The following RAI2 variants were observed in gnomAD, a reference collection of about 807,000 sequenced individuals.
RAI2 encodes retinoic acid-induced protein 2.
A neutral mutation model predicts 15.3 loss-of-function variants in RAI2; 5 were observed. That is an observed-to-expected ratio of 0.33 (90% CI 0.17 to 0.69). The LOEUF (loss-of-function observed/expected upper bound fraction) is 0.69. RAI2 is among the 30% of genes least tolerant of loss of function. RAI2 has a pLI of 0.69. For synonymous variants in RAI2, 191 were observed against 184.0 expected, an observed-to-expected ratio of 1.04 and a Z score of -0.31; for missense variants, 424 against 424.7, an observed-to-expected ratio of 1.00 and a Z score of 0.01.
intron 1 of RAI2, among the ~76,000 whole-genome samples, chrX:17,852,941 T>C (rs1421369700): frequency 9.1e-6 from 1 of 109,735 alleles, no homozygotes; most frequent in East Asian, 2.8e-4. Context: ...GCTGCTACAA[T>C]CTGAAATGAG....
At chrX:17,830,772 C>T (rs1601921397) in intron 1 of RAI2, among the ~76,000 whole-genome samples, 1 of 111,188 alleles carries the variant, frequency 9.0e-6, no homozygotes, top group African/African-American at 3.3e-5. Flanking sequence ...CAACCTGTCA[C>T]AAGCTAGGCT....
intron 1 of RAI2, among the ~76,000 whole-genome samples, chrX:17,833,037 GA>G (rs1421599561): frequency 9.0e-6 from 1 of 111,501 alleles, no homozygotes; most frequent in Admixed American, 9.5e-5. Flanking sequence ...GAAGGCAAGG[GA>G]AAAGCCAAAA....
rs780209696 is a variant in RAI2 at position 17,819,353 on chromosome X, T to C, written c.-24-17319A>G. Among the ~76,000 whole-genome samples the C allele has an allele frequency of 2.0e-4, 23 of 112,568 alleles. No homozygotes were observed. The South Asian group carries it at 7.7e-3, about 38-fold the overall frequency. ...TTAAAAGACTAGAAACACCAAAAGTTGGTGAGGCTATGGTGCAAGTGAAAC... is the reference window on the plus strand; with the variant it reads ...TTAAAAGACTAGAAACACCAAAAGTCGGTGAGGCTATGGTGCAAGTGAAAC... On this transcript the variant is annotated intron_variant, in intron 1 of 1. Transcript: ENST00000451717.
intron 1 of RAI2, among the ~76,000 whole-genome samples, chrX:17,828,260 G>A (rs377338293): frequency 1.0e-4 from 11 of 110,065 alleles, no homozygotes; most frequent in African/African-American, 3.0e-4. Flanking sequence ...GTGAATCACC[G>A]AGAAATGCCA....
chrX:17,810,937 T>TC (rs1414302550), intron 1 of RAI2, among the ~76,000 whole-genome samples: 1 of 112,444 alleles, frequency 8.9e-6, no homozygotes, highest in Non-Finnish European at 1.9e-5. Flanking sequence ...GGTTGCCATC[T>TC]CTCTTGGCTC....
intron 1 of RAI2, among the ~76,000 whole-genome samples, chrX:17,831,669 C>T (rs756487440): frequency 4.5e-4 from 51 of 112,580 alleles, no homozygotes; most frequent in African/African-American, 1.5e-3. Context: ...CTGTTCACTA[C>T]ACACTGAATG....
chrX:17,831,531 T>C (rs2067282136), intron 1 of RAI2, among the ~76,000 whole-genome samples: 1 of 111,846 alleles, frequency 8.9e-6, no homozygotes, highest in Non-Finnish European at 1.9e-5. Flanking sequence ...ACATACTGAA[T>C]TATTAACCCC....
intron 1 of RAI2, among the ~76,000 whole-genome samples, chrX:17,806,203 C>T (rs940159163): frequency 9.0e-6 from 1 of 110,983 alleles, no homozygotes; most frequent in African/African-American, 3.3e-5. Context: ...GGTGGAGGCC[C>T]ATCTCCCCAC....
chrX:17,844,358 T>C (rs1341713827), intron 1 of RAI2, among the ~76,000 whole-genome samples: 1 of 112,729 alleles, frequency 8.9e-6, no homozygotes, highest in Admixed American at 9.3e-5. Flanking sequence ...AGCCATTATA[T>C]TGTCCTATTC....
chrX:17,824,622 G>A (rs996347711), intron 1 of RAI2, among the ~76,000 whole-genome samples: 1 of 111,806 alleles, frequency 8.9e-6, no homozygotes, highest in African/African-American at 3.3e-5. Flanking sequence ...CCCCTAGGAT[G>A]AGTTAACTGC....
chrX:17,848,084 C>T (rs1187196555), intron 1 of RAI2, among the ~76,000 whole-genome samples: 1 of 111,672 alleles, frequency 9.0e-6, no homozygotes, highest in Non-Finnish European at 1.9e-5. Flanking sequence ...AACAGACAAA[C>T]TGAGGGAAAC....
At chrX:17,860,909 G>C (rs1480580760) in intron 1 of RAI2, among the ~76,000 whole-genome samples, 189 bp downstream of exon 1, 1 of 104,760 alleles carries the variant, frequency 9.5e-6, no homozygotes, top group African/African-American at 3.4e-5. Flanking sequence ...CCGCGTCCCC[G>C]CCCCCGCCCG....
In RAI2 at chrX:17,801,296, G is replaced by A; in HGVS notation, c.715C>T (p.Pro239Ser). ...GGAATAGGGACTGGCACAGGCAAGG[G>A]GACGATTACAGGATACGGCACCAAG... is the stretch of plus-strand genomic sequence containing the variant. The part of the protein sequence containing the change: ...TLLVPYPVIV[P>S]LPVPVPIPIP... Residue 239 changes from proline (P) to serine (S), a missense_variant, in exon 2 of 2, where the codon CCC (proline) becomes TCC (serine). Transcript: ENST00000451717. The A allele has an allele frequency of 8.4e-7, 1 of 1,187,678 alleles. No individual in the cohort carries two copies. The highest frequency in any genetic ancestry group is 1.1e-6 in the Non-Finnish European group (1 of 882,482).
At chrX:17,806,791 G>A (rs1370586428) in intron 1 of RAI2, among the ~76,000 whole-genome samples, 6 of 111,242 alleles carry the variant, frequency 5.4e-5, no homozygotes, top group Admixed American at 9.5e-5. Flanking sequence ...TGCTTCTGGG[G>A]ATCAGGAAAC....
chrX:17,806,054 G>A (rs868143440), intron 1 of RAI2, among the ~76,000 whole-genome samples: 2 of 112,254 alleles, frequency 1.8e-5, no homozygotes, highest in African/African-American at 6.5e-5. Flanking sequence ...AGCATAGTGG[G>A]TGTTGCTGCT....
intron 1 of RAI2, among the ~76,000 whole-genome samples, chrX:17,833,928 A>T (rs1476566316): frequency 1.8e-5 from 2 of 112,083 alleles, no homozygotes; most frequent in Non-Finnish European, 3.8e-5. Context: ...GTCAAATTAA[A>T]TTAGATAAAA....
chrX:17,833,712 T>A (rs2067306047), intron 1 of RAI2, among the ~76,000 whole-genome samples: 1 of 111,964 alleles, frequency 8.9e-6, no homozygotes, highest in African/African-American at 3.3e-5. Flanking sequence ...GGCAAAAATT[T>A]ATCAACTTGT....
intron 1 of RAI2, among the ~76,000 whole-genome samples, chrX:17,848,053 C>T (rs2067483913): frequency 1.8e-5 from 2 of 111,881 alleles, no homozygotes; most frequent in African/African-American, 3.3e-5. Context: ...AACTTCATGC[C>T]TTTGGAGACT....
rs1327921062 is a variant in RAI2, at chrX:17,802,019, T to C, written c.-9A>G. 1 of 1,182,408 alleles carries C rather than the reference T, an allele frequency of 8.5e-7. No individual in the cohort carries two copies. The highest frequency in any genetic ancestry group is 1.8e-5 in the African/African-American group (1 of 56,550). On this transcript the variant is annotated 5_prime_UTR_variant, in exon 2 of 2. Coordinates refer to ENST00000451717, the MANE Select transcript of RAI2 (RefSeq NM_021785.6). ...GACTGCAGGTCGTCCATCACTCAGC[T>C]CTGATGCCACTTGGCCTGCAACACA...
Sources: allele counts gnomAD v4.1 joint callset (sites outside exome capture counted in the v4.1 genomes callset), GRCh38; gene constraint gnomAD v4.1.1; transcripts MANE v1.5; gene names NCBI Gene and HGNC (gene_info 2026-07-23, HGNC 2026-07-21).